The following ADGRL2 variants were observed in gnomAD, a reference collection of about 807,000 sequenced individuals.
ADGRL2 encodes adhesion G protein-coupled receptor L2.
A neutral mutation model predicts 157.4 loss-of-function variants in ADGRL2; 44 were observed. The ratio of observed to expected loss-of-function variants is 0.28; its 90% confidence interval spans 0.22 to 0.36. ADGRL2 has a LOEUF of 0.36. Among genes scored for constraint, ADGRL2 ranks in the 10% least tolerant of loss-of-function variants. The pLI is 1.00. For synonymous variants in ADGRL2, 585 were observed against 624.7 expected, an observed-to-expected ratio of 0.94 and a Z score of 0.95; for missense variants, 1,510 against 1,768.9, an observed-to-expected ratio of 0.85 and a Z score of 2.63.
intron 2 of ADGRL2, among the ~76,000 whole-genome samples, chr1:81,779,091 A>G (rs2149374561): frequency 6.6e-6 from 1 of 152,220 alleles, no homozygotes; most frequent in East Asian, 1.9e-4. Context: ...TTCATTTGTC[A>G]CATATTTATT....
intron 2 of ADGRL2, among the ~76,000 whole-genome samples, chr1:81,513,610 A>G (rs2079118791): frequency 6.6e-6 from 1 of 152,178 alleles, no homozygotes; most frequent in Non-Finnish European, 1.5e-5. Flanking sequence ...CCAGTAATGA[A>G]ACAGAACCGA....
intron 1 of ADGRL2, among the ~76,000 whole-genome samples, chr1:81,804,256 A>G (rs979352171): frequency 6.6e-6 from 1 of 152,190 alleles, no homozygotes; most frequent in Non-Finnish European, 1.5e-5. Flanking sequence ...TTTATGCATA[A>G]TAGAAAGAAT....
intron 3 of ADGRL2, among the ~76,000 whole-genome samples, chr1:81,664,521 G>A (rs2082717454): frequency 6.6e-6 from 1 of 152,090 alleles, no homozygotes; most frequent in Admixed American, 6.6e-5. Flanking sequence ...TTCCATGAAT[G>A]GTACTAAACC....
intron 2 of ADGRL2, among the ~76,000 whole-genome samples, chr1:81,539,165 G>C (rs1295559593): frequency 6.6e-6 from 1 of 152,138 alleles, no homozygotes; most frequent in African/African-American, 2.4e-5. Flanking sequence ...ATGTCCAGCA[G>C]TTTGAAAGTC....
intron 3 of ADGRL2, among the ~76,000 whole-genome samples, chr1:81,613,439 T>C (rs562044055): frequency 2.6e-5 from 4 of 152,112 alleles, no homozygotes; most frequent in South Asian, 2.1e-4. Context: ...TTGAAGGTCA[T>C]ATAGAGATAA....
At chr1:81,372,369 T>C (rs1032821187) in intron 1 of ADGRL2, among the ~76,000 whole-genome samples, 4 of 152,132 alleles carry the variant, frequency 2.6e-5, no homozygotes, top group Non-Finnish European at 4.4e-5. Context: ...TGCCAAATAA[T>C]TGCACATTAT....
intron 3 of ADGRL2, among the ~76,000 whole-genome samples, chr1:81,930,169 A>T (rs931377080): frequency 2.0e-5 from 3 of 152,172 alleles, no homozygotes; most frequent in African/African-American, 7.2e-5. Context: ...TAATGTGTGC[A>T]TTGTGCTCTC....
chr1:81,493,255 C>A (rs2078669510), intron 2 of ADGRL2, among the ~76,000 whole-genome samples: 2 of 152,204 alleles, frequency 1.3e-5, no homozygotes, highest in South Asian at 2.1e-4. Flanking sequence ...TCAGCAGATG[C>A]AATGTGAGGT....
At chr1:81,335,551 T>C (rs1661574528) in intron 1 of ADGRL2, among the ~76,000 whole-genome samples, 1 of 152,156 alleles carries the variant, frequency 6.6e-6, no homozygotes, top group South Asian at 2.1e-4. Flanking sequence ...AAAATATGCA[T>C]TCACAAAAGA....
Position 81,491,738 on chromosome 1 carries a change from C to A in ADGRL2, c.-248+46649C>A, listed in dbSNP as rs575801623. Among the ~76,000 whole-genome samples the A allele has an allele frequency of 1.4e-4, 22 of 152,276 alleles. No homozygotes were observed. The South Asian group carries it at 4.6e-3, about 32-fold the overall frequency. ...GGACTAGAAAGTAAAACAATTTCTA[C>A]GGTGGTGGGTGCTGCTAATTATCCA... On this transcript the variant is annotated intron_variant, in intron 2 of 24. Coordinates refer to the ADGRL2 transcript ENST00000370721.
chr1:81,422,975 G>T (rs2077152300), intron 1 of ADGRL2, among the ~76,000 whole-genome samples: 1 of 152,056 alleles, frequency 6.6e-6, no homozygotes, highest in South Asian at 2.1e-4. Flanking sequence ...TACTAAAAAG[G>T]CTCCTTTTGC....
intron 1 of ADGRL2, among the ~76,000 whole-genome samples, chr1:81,322,754 C>A (rs765165745): frequency 6.6e-6 from 1 of 151,910 alleles, no homozygotes; most frequent in Non-Finnish European, 1.5e-5. Flanking sequence ...CCATGTCATA[C>A]GGGGAACAGT....
At chr1:81,533,435 C>T (rs1408845653) in intron 2 of ADGRL2, among the ~76,000 whole-genome samples, 1 of 152,086 alleles carries the variant, frequency 6.6e-6, no homozygotes. Context: ...GGGGAGGGCT[C>T]TCACATTCTT....
chr1:81,435,247 A>T (rs1320507378), intron 1 of ADGRL2, among the ~76,000 whole-genome samples: 2 of 152,204 alleles, frequency 1.3e-5, no homozygotes, highest in Non-Finnish European at 2.9e-5. Context: ...AACTGACAAA[A>T]GAACTGGAAC....
chr1:81,926,775 T>C (rs926933737), intron 3 of ADGRL2, among the ~76,000 whole-genome samples: 1 of 152,028 alleles, frequency 6.6e-6, no homozygotes, highest in Non-Finnish European at 1.5e-5. Context: ...TGTAAATAAA[T>C]ACTTCTTATT....
At chr1:81,619,429 C>T (rs1249212836) in intron 3 of ADGRL2, among the ~76,000 whole-genome samples, 1 of 152,170 alleles carries the variant, frequency 6.6e-6, no homozygotes, top group African/African-American at 2.4e-5. Context: ...TTGGTCTTCA[C>T]GACCTGCAAA....
intron 2 of ADGRL2, chr1:81,503,009 C>T: frequency 6.2e-7 from 1 of 1,612,682 alleles, no homozygotes; most frequent in Middle Eastern, 1.8e-4. Context: ...GTGCCCGTGA[C>T]CTTGGCAAGC....
intron 2 of ADGRL2, among the ~76,000 whole-genome samples, chr1:81,474,902 C>T (rs193002223): frequency 1.3e-5 from 2 of 152,194 alleles, no homozygotes; most frequent in Non-Finnish European, 2.9e-5. Context: ...ATTCAAGTAA[C>T]AGTGAGAAAG....
intron 3 of ADGRL2, among the ~76,000 whole-genome samples, chr1:81,602,440 A>C (rs1460317524): frequency 1.3e-5 from 2 of 152,140 alleles, no homozygotes; most frequent in African/African-American, 4.8e-5. Flanking sequence ...TAAAAATACA[A>C]AAAATAGCCC....
Sources: allele counts gnomAD v4.1 joint callset (sites outside exome capture counted in the v4.1 genomes callset), GRCh38; gene constraint gnomAD v4.1.1; transcripts MANE v1.5; gene names NCBI Gene and HGNC (gene_info 2026-07-23, HGNC 2026-07-21).